PRDM16: variants seen among roughly 807,000 people sequenced by gnomAD.
PRDM16 encodes histone-lysine N-methyltransferase PRDM16.
A neutral mutation model predicts 110.6 loss-of-function variants in PRDM16; 23 were observed. The observed-to-expected ratio is 0.21, with a 90% CI of 0.15 to 0.29. The LOEUF is 0.29. Among genes scored for constraint, PRDM16 ranks in the 10% least tolerant of loss-of-function variants. PRDM16 has a pLI of 1.00. For missense variants in PRDM16, 1,615 were observed against 1,794.3 expected, an observed-to-expected ratio of 0.90 and a Z score of 1.81; for synonymous variants, 799 against 781.8, an observed-to-expected ratio of 1.02 and a Z score of -0.37.
intron 2 of PRDM16, among the ~76,000 whole-genome samples, chr1:3,192,235 G>A (rs571614428): frequency 6.6e-5 from 10 of 152,198 alleles, no homozygotes; most frequent in South Asian, 4.1e-4. Flanking sequence ...GGGATCATCC[G>A]TGTCGCCAGC....
At chr1:3,320,487 C>T (rs1044306303) in intron 3 of PRDM16, among the ~76,000 whole-genome samples, 1 of 152,170 alleles carries the variant, frequency 6.6e-6, no homozygotes, top group African/African-American at 2.4e-5. Flanking sequence ...GTGCTGGCTG[C>T]CTCCCGGGTT....
chr1:3,173,802 G>A (rs1432652258), intron 1 of PRDM16, among the ~76,000 whole-genome samples: 2 of 152,230 alleles, frequency 1.3e-5, no homozygotes, highest in African/African-American at 4.8e-5. Context: ...GCTCAGCAAT[G>A]CGGTTCCTCT....
At chr1:3,189,685 A>C (rs1373488867) in intron 2 of PRDM16, among the ~76,000 whole-genome samples, 1 of 152,196 alleles carries the variant, frequency 6.6e-6, no homozygotes. Context: ...GATCGGTGTC[A>C]TTTTGGCCTC....
rs1364397554 is a variant in PRDM16, at chr1:3,434,086, C to G, written c.*275C>G. 4.8e-6 allele frequency: 2 copies of G among 412,576 alleles called. No individual in the cohort carries two copies. Among genetic ancestry groups the G allele is most frequent in the Non-Finnish European group, 8.7e-6 (2 of 229,728 alleles). The allele number at this position is 412,576 out of a possible 1,614,324, so 25.6% of individuals were successfully genotyped here. On this transcript the variant is annotated 3_prime_UTR_variant, in exon 17 of 17. Coordinates refer to ENST00000270722, the MANE Select transcript of PRDM16 (RefSeq NM_022114.4). ...CGTCCAAAGACAGCCAACGGAGCTG[C>G]CTCGCAGAATCAGCCAGTGGGCAGG... is the stretch of plus-strand genomic sequence containing the variant.
chr1:3,069,339 G>A lies in PRDM16; in HGVS notation c.37+43G>A. ...GGCCGCGCCGCGCCGCCGGGGCCCG[G>A]GCCGCCGGGCCGGGGCGCCCGGGCC... is the stretch of plus-strand genomic sequence containing the variant. On this transcript the variant is annotated intron_variant, in intron 1 of 16. Transcript: ENST00000270722. This position sits in a 1 kb window ranked among gnomAD's most constrained non-coding sequence, Gnocchi z 6.1. 2.9e-6 allele frequency: 3 copies of A among 1,021,650 alleles called. No homozygotes were observed. Among genetic ancestry groups the A allele is most frequent in the Non-Finnish European group, 3.6e-6 (3 of 844,572 alleles). The allele number at this position is 1,021,650 out of a possible 1,614,324, so 63.3% of individuals were successfully genotyped here.
At chr1:3,134,247 G>A (rs1643391801) in intron 1 of PRDM16, among the ~76,000 whole-genome samples, 1 of 152,168 alleles carries the variant, frequency 6.6e-6, no homozygotes, top group African/African-American at 2.4e-5. Context: ...GTGTGGAGCT[G>A]TCCGGAGCGC....
At chr1:3,410,672 C>T (rs1314781855) in intron 8 of PRDM16, among the ~76,000 whole-genome samples, 1 of 152,174 alleles carries the variant, frequency 6.6e-6, no homozygotes, top group Non-Finnish European at 1.5e-5. Flanking sequence ...ACTAGGAACA[C>T]TGTGAACTTC....
chr1:3,380,158 G>A (rs1030100240), intron 3 of PRDM16, among the ~76,000 whole-genome samples: 9 of 150,030 alleles, frequency 6.0e-5, no homozygotes, highest in African/African-American at 7.4e-5. Flanking sequence ...ATGCCCTTCC[G>A]GCACACCCTT....
In PRDM16 at chr1:3,343,549, C is replaced by G. The variant is rs538980575; in HGVS notation, c.439-41603C>G. ...CTTTACTTCCTAGCTCTTCTCTCCTCCTGGGACTCCAGTTACATATGTATC... is the reference window on the plus strand; with the variant it reads ...CTTTACTTCCTAGCTCTTCTCTCCTGCTGGGACTCCAGTTACATATGTATC... On this transcript the variant is annotated intron_variant, in intron 3 of 16. Coordinates refer to ENST00000270722, the MANE Select transcript of PRDM16 (RefSeq NM_022114.4). 8.6e-5 allele frequency among the ~76,000 whole-genome samples: 13 copies of G among 151,624 alleles called. No individual in the cohort carries two copies. The South Asian group carries it at 2.7e-3, about 32-fold the overall frequency.
chr1:3,260,600 T>C (rs540263382), intron 3 of PRDM16, among the ~76,000 whole-genome samples: 1 of 150,560 alleles, frequency 6.6e-6, no homozygotes, highest in African/African-American at 2.5e-5. Flanking sequence ...GTGATGAGGT[T>C]GATAATGAAG....
intron 1 of PRDM16, among the ~76,000 whole-genome samples, chr1:3,181,714 A>AGTCTTACACG (rs1557510177): frequency 2.1e-4 from 25 of 121,868 alleles, no homozygotes; most frequent in Admixed American, 6.5e-4. Flanking sequence ...GGTCTTACAC[A>AGTCTTACACG]CGCAGTCTTA....
chr1:3,231,410 C>CCA (rs1639409025), intron 2 of PRDM16, among the ~76,000 whole-genome samples: 1 of 150,542 alleles, frequency 6.6e-6, no homozygotes, highest in Non-Finnish European at 1.5e-5. Context: ...GCCGTCTCCC[C>CCA]TTCTCCGTCG....
intron 1 of PRDM16, among the ~76,000 whole-genome samples, chr1:3,125,314 G>A (rs1569622110): frequency 6.6e-6 from 1 of 152,260 alleles, no homozygotes; most frequent in East Asian, 1.9e-4. Flanking sequence ...CTGGCCAGAG[G>A]AGGCCAGCCC....
intron 1 of PRDM16, among the ~76,000 whole-genome samples, chr1:3,100,654 T>C (rs1349726395): frequency 2.0e-5 from 3 of 152,132 alleles, no homozygotes; most frequent in Non-Finnish European, 2.9e-5. Context: ...GAGCCCCCCA[T>C]GTAACCCGTT....
chr1:3,288,915 T>C (rs1035654194), intron 3 of PRDM16, among the ~76,000 whole-genome samples: 4 of 152,128 alleles, frequency 2.6e-5, no homozygotes, highest in African/African-American at 9.7e-5. Flanking sequence ...CTGCTGCCCC[T>C]GGGTCTTTGA....
intron 3 of PRDM16, among the ~76,000 whole-genome samples, chr1:3,336,906 AGTCT>A (rs1642168753): frequency 7.1e-6 from 1 of 141,042 alleles, no homozygotes; most frequent in South Asian, 2.3e-4. Context: ...TGTTGGTGTG[AGTCT>A]GTGTGTGAAT....
intron 1 of PRDM16, among the ~76,000 whole-genome samples, chr1:3,103,492 TGTC>T: frequency 6.6e-6 from 1 of 152,326 alleles, no homozygotes; most frequent in South Asian, 2.1e-4. Context: ...TTCCTCGAAA[TGTC>T]GTGTTGACTG....
At chr1:3,170,759 C>G (rs541509374) in intron 1 of PRDM16, among the ~76,000 whole-genome samples, 3 of 152,310 alleles carry the variant, frequency 2.0e-5, no homozygotes, top group South Asian at 4.1e-4. Context: ...TGGCCGCTCC[C>G]GTCACCAGGG....
chr1:3,171,569 G>A (rs1278399441), intron 1 of PRDM16, among the ~76,000 whole-genome samples: 5 of 152,288 alleles, frequency 3.3e-5, no homozygotes, highest in African/African-American at 7.2e-5. Flanking sequence ...TACAGCCTCC[G>A]AGTTTGCAGA....
Sources: gnomAD v4.1 joint callset for allele counts (sites outside exome capture counted in the v4.1 genomes callset) on GRCh38, gnomAD v4.1.1 for gene constraint, Gnocchi (gnomAD v3.1) non-coding constraint, MANE v1.5 for transcripts, NCBI Gene and HGNC (gene_info 2026-07-23, HGNC 2026-07-21) for gene names.